Variants in CDH9 observed in about 807,000 individuals in gnomAD.
CDH9 encodes the protein cadherin 9, also known as cadherin-9.
In CDH9, 28 loss-of-function variants were observed where a neutral mutation model predicts 70.9. The ratio of observed to expected loss-of-function variants is 0.40; its 90% CI spans 0.29 to 0.54. The LOEUF (loss-of-function observed/expected upper bound fraction) is 0.54, where lower values mean the gene tolerates loss of function less well. Ranked by LOEUF, CDH9 falls within the 20% of genes least tolerant of loss-of-function variation. The pLI is 0.59. For missense variants in CDH9, 874 were observed against 984.4 expected (o/e 0.89, Z 1.50); for synonymous variants, 409 against 343.1 (o/e 1.19, Z -2.12).
chr5:27,027,292 C>A (rs1024877214), intron 1 of CDH9, among the ~76,000 whole-genome samples: 2 of 151,828 alleles, frequency 1.3e-5, no homozygotes, highest in South Asian at 2.1e-4. Flanking sequence ...ACTTAAGGAA[C>A]CTTATGATGT....
intron 2 of CDH9, among the ~76,000 whole-genome samples, chr5:26,918,229 C>G (rs373371155): frequency 6.6e-6 from 1 of 152,048 alleles, no homozygotes; most frequent in East Asian, 1.9e-4. Context: ...CTTTTTACAC[C>G]TTTACCTTCT....
intron 1 of CDH9, among the ~76,000 whole-genome samples, chr5:27,036,642 A>G (rs1743398816): frequency 3.3e-5 from 5 of 151,908 alleles, no homozygotes; most frequent in Admixed American, 3.3e-4. Flanking sequence ...TTATTCTTAA[A>G]TTCATACTAC....
intron 5 of CDH9, among the ~76,000 whole-genome samples, chr5:26,904,497 A>C (rs536408049): frequency 6.6e-6 from 1 of 152,180 alleles, no homozygotes; most frequent in Admixed American, 6.6e-5. Flanking sequence ...AGTCTATACA[A>C]GGTCTAAAGG....
intron 1 of CDH9, among the ~76,000 whole-genome samples, chr5:27,020,443 G>A (rs1383515976): frequency 6.6e-6 from 1 of 151,290 alleles, no homozygotes; most frequent in African/African-American, 2.4e-5. Context: ...CTTAATTACT[G>A]CAGAATAATA....
rs371119984 is a variant in CDH9, at chr5:27,017,581, GTGTT to G, written c.-50+20878_-50+20881del. ...GACCTAACTTAGTTCTTTAGTGTTT[GTGTT>G]TGTTTGTTTGTTTTAGTTTTAGTTT... On this transcript the variant is annotated intron_variant, in intron 1 of 11. Transcript: ENST00000231021. Among the ~76,000 whole-genome samples, 125 of 151,940 alleles carry G rather than the reference GTGTT, an allele frequency of 8.2e-4. 1 individual carries two copies. The highest frequency in any genetic ancestry group is 2.0e-3 in the Admixed American group (31 of 15,200).
chr5:26,965,240 A>G (rs138436068), intron 2 of CDH9, among the ~76,000 whole-genome samples: 1 of 152,296 alleles, frequency 6.6e-6, no homozygotes, highest in East Asian at 1.9e-4. Flanking sequence ...AATGATATTT[A>G]CACAGGCCAA....
At chr5:26,905,120 T>A (rs1212948932) in intron 5 of CDH9, among the ~76,000 whole-genome samples, 2 of 152,152 alleles carry the variant, frequency 1.3e-5, no homozygotes, top group Non-Finnish European at 2.9e-5. Context: ...TGTTTTACTG[T>A]ATTGAGATTA....
chr5:27,007,009 A>G (rs575708426), intron 1 of CDH9, among the ~76,000 whole-genome samples: 1 of 152,252 alleles, frequency 6.6e-6, no homozygotes, highest in South Asian at 2.1e-4. Flanking sequence ...TAATCTACTG[A>G]GAAAATGAAA....
intron 1 of CDH9, among the ~76,000 whole-genome samples, chr5:27,009,554 C>T (rs935957142): frequency 3.3e-5 from 5 of 152,060 alleles, no homozygotes; most frequent in African/African-American, 1.2e-4. Context: ...GTCCATTCAC[C>T]TTCTGGAATA....
At chr5:27,021,805 A>T (rs560261788) in intron 1 of CDH9, among the ~76,000 whole-genome samples, 2 of 152,088 alleles carry the variant, frequency 1.3e-5, no homozygotes, top group East Asian at 1.9e-4. Context: ...TTACAACAGG[A>T]TTAATTTAAT....
chr5:26,892,336 CAG>C (rs1234623956), intron 7 of CDH9, among the ~76,000 whole-genome samples: 16 of 152,074 alleles, frequency 1.1e-4, no homozygotes, highest in African/African-American at 3.9e-4. Flanking sequence ...CTGTTAAAAA[CAG>C]AGTTTGATTC....
At chr5:26,945,641 C>T (rs1741739831) in intron 2 of CDH9, among the ~76,000 whole-genome samples, 1 of 152,042 alleles carries the variant, frequency 6.6e-6, no homozygotes, top group South Asian at 2.1e-4. Flanking sequence ...TTCAAGTTCA[C>T]AATAAAAAAG....
At position 26,938,450 on chromosome 5, in the gene CDH9, G is replaced by A. The variant is rs1392574562; in HGVS notation, c.229-22526C>T. On this transcript the variant is annotated intron_variant, in intron 2 of 11. Coordinates refer to ENST00000231021, the MANE Select transcript of CDH9 (RefSeq NM_016279.4). ...AGTAAAATGTAGGTGGAAATCTCAG[G>A]ATAGGATACTATATATATAATAGAA... Among the ~76,000 whole-genome samples the A allele has an allele frequency of 2.6e-5, 4 of 151,824 alleles. 1 individual carries two copies. The highest frequency in any genetic ancestry group is 3.2e-3 in the Middle Eastern group (1 of 312).
At chr5:26,883,089 A>ATATATATG in intron 11 of CDH9, among the ~76,000 whole-genome samples, 1 of 129,624 alleles carries the variant, frequency 7.7e-6, no homozygotes, top group South Asian at 2.4e-4. Context: ...ATATATATAT[A>ATATATATG]TATATAAAAC....
chr5:27,022,038 GTGCTTATCTTACACCTTCA>G (rs1176772223), intron 1 of CDH9, among the ~76,000 whole-genome samples: 4 of 151,940 alleles, frequency 2.6e-5, no homozygotes, highest in Non-Finnish European at 1.5e-5. Flanking sequence ...TGAATTGGGG[GTGCTTATCTTACACCTTCA>G]TGCTTTTCTT....
At chr5:26,970,281 T>C (rs1056803496) in intron 2 of CDH9, among the ~76,000 whole-genome samples, 2 of 151,994 alleles carry the variant, frequency 1.3e-5, no homozygotes, top group Admixed American at 6.6e-5. Flanking sequence ...ATATACAGTG[T>C]AAATTATAGT....
chr5:26,926,917 G>GCCCCCCC (rs55917148), intron 2 of CDH9, among the ~76,000 whole-genome samples: 1 of 125,280 alleles, frequency 8.0e-6, no homozygotes, highest in African/African-American at 3.1e-5. Flanking sequence ...CAAAAATACA[G>GCCCCCCC]CCCCCCCCCG....
chr5:26,912,779 C>T (rs1268288617), intron 3 of CDH9, among the ~76,000 whole-genome samples: 1 of 152,084 alleles, frequency 6.6e-6, no homozygotes, highest in African/African-American at 2.4e-5. Flanking sequence ...TATGGTTTGG[C>T]TATGTTCCCA....
chr5:27,020,747 CTATA>C (rs111950049), intron 1 of CDH9, among the ~76,000 whole-genome samples: 3 of 137,754 alleles, frequency 2.2e-5, no homozygotes, highest in African/African-American at 7.9e-5. Context: ...CACACACACA[CTATA>C]TATATATATA....
Sources: gnomAD v4.1 joint callset for allele counts (sites outside exome capture counted in the v4.1 genomes callset) on GRCh38, gnomAD v4.1.1 for gene constraint, MANE v1.5 for transcripts, NCBI Gene and HGNC (gene_info 2026-07-23, HGNC 2026-07-21) for gene names.